HMCN1: variants seen among roughly 807,000 people sequenced by gnomAD.
HMCN1 encodes hemicentin-1.
HMCN1 carries 321 observed loss-of-function variants against 625.9 expected under a neutral mutation model. The ratio of observed to expected loss-of-function variants is 0.51; its 90% CI spans 0.47 to 0.56. The LOEUF (loss-of-function observed/expected upper bound fraction) is 0.56. Ranked by LOEUF, HMCN1 falls within the 20% of genes least tolerant of loss-of-function variation. The probability of loss-of-function intolerance (pLI) is 0.00; values close to 1 mark genes in which losing one functional copy is unlikely to be tolerated. For synonymous variants in HMCN1, 2,425 were observed against 2,417.6 expected (o/e 1.00, Z -0.09); for missense variants, 6,588 against 6,887.3 (o/e 0.96, Z 1.54).
intron 1 of HMCN1, among the ~76,000 whole-genome samples, chr1:185,808,276 A>C (rs1659300429): frequency 6.6e-6 from 1 of 152,100 alleles, no homozygotes; most frequent in Admixed American, 6.6e-5. Context: ...GAACCTCAGA[A>C]GCAGAGGTTG....
chr1:186,168,491 GTTA>G (rs1230891196), intron 100 of HMCN1, among the ~76,000 whole-genome samples: 2 of 30,152 alleles, frequency 6.6e-5, no homozygotes, highest in Non-Finnish European at 9.4e-5. Context: ...GTTTCTGTAA[GTTA>G]AGTTAACACA....
intron 24 of HMCN1, among the ~76,000 whole-genome samples, chr1:185,996,811 C>T (rs1237585655): frequency 6.6e-6 from 1 of 152,128 alleles, no homozygotes; most frequent in East Asian, 1.9e-4. Flanking sequence ...TGGAGCTGTT[C>T]AGAGACATGG....
At chr1:186,120,172 C>G in intron 80 of HMCN1, 27 bp downstream of exon 80, 1 of 1,609,058 alleles carries the variant, frequency 6.2e-7, no homozygotes, top group Non-Finnish European at 8.5e-7. Flanking sequence ...TCTCTGTTTT[C>G]AATTCAAAGA....
At chr1:186,112,665 T>C in intron 71 of HMCN1, 147 bp from the exon 72 acceptor site, 1 of 947,378 alleles carries the variant, frequency 1.1e-6, no homozygotes, top group East Asian at 2.6e-5. Flanking sequence ...GGATTTTTGA[T>C]ACTACGAAAA....
intron 4 of HMCN1, among the ~76,000 whole-genome samples, chr1:185,870,704 C>G (rs1369210663): frequency 6.6e-6 from 1 of 152,084 alleles, no homozygotes; most frequent in African/African-American, 2.4e-5. Context: ...GAGTTACAAA[C>G]AACCCAATTA....
At chr1:186,103,963 C>A (rs1430724759) in intron 69 of HMCN1, among the ~76,000 whole-genome samples, 1 of 152,078 alleles carries the variant, frequency 6.6e-6, no homozygotes. Context: ...ATACTATGTA[C>A]CCCTTAATGG....
At chr1:185,773,708 T>C (rs1656405280) in intron 1 of HMCN1, among the ~76,000 whole-genome samples, 1 of 152,168 alleles carries the variant, frequency 6.6e-6, no homozygotes, top group South Asian at 2.1e-4. Context: ...TAAAGCATCC[T>C]AACTGATACT....
chr1:185,942,557 T>C (rs1470569282), intron 11 of HMCN1, among the ~76,000 whole-genome samples: 1 of 152,220 alleles, frequency 6.6e-6, no homozygotes, highest in Non-Finnish European at 1.5e-5. Flanking sequence ...GGAGTTCATA[T>C]CATACTTAAC....
chr1:186,130,395 A>G, intron 84 of HMCN1, 112 bp from the exon 85 acceptor site: 1 of 1,098,236 alleles, frequency 9.1e-7, no homozygotes, highest in Non-Finnish European at 1.4e-6. Flanking sequence ...ATGAGTCTTT[A>G]AGGTGGCTTT....
intron 93 of HMCN1, 34 bp from the exon 94 acceptor site, chr1:186,151,166 C>A (rs1650639139): frequency 6.2e-7 from 1 of 1,611,322 alleles, no homozygotes; most frequent in East Asian, 2.2e-5. Context: ...GAAATTGCAT[C>A]CTTATCCAGG....
intron 6 of HMCN1, among the ~76,000 whole-genome samples, chr1:185,912,580 G>A (rs746378295): frequency 2.6e-5 from 4 of 151,910 alleles, no homozygotes; most frequent in Admixed American, 2.0e-4. Flanking sequence ...TATTTCTCAG[G>A]CTTTTCAGTG....
chr1:186,162,526 T>G (rs550686610), intron 97 of HMCN1, among the ~76,000 whole-genome samples: 147 of 152,314 alleles, frequency 9.7e-4, no homozygotes, highest in Non-Finnish European at 1.2e-3. Flanking sequence ...GCTCTGTTTT[T>G]TCCCCATCTT....
intron 1 of HMCN1, among the ~76,000 whole-genome samples, chr1:185,780,350 G>T (rs1332407456): frequency 1.3e-5 from 2 of 152,158 alleles, no homozygotes; most frequent in Non-Finnish European, 2.9e-5. Flanking sequence ...TCTTTCTCCT[G>T]CCTAATTGCC....
chr1:185,981,756 T>C (rs74134254), intron 17 of HMCN1, among the ~76,000 whole-genome samples: 4,677 of 152,230 alleles, frequency 0.031, 250 homozygotes, highest in African/African-American at 0.11. Context: ...TTCATTAATT[T>C]TTAGAGAAGG....
Position 186,039,412 on chromosome 1 carries a change from A to G in HMCN1, c.6029-316A>G, listed in dbSNP as rs548502538. On this transcript the variant is annotated intron_variant, in intron 38 of 106. Coordinates refer to ENST00000271588, the MANE Select transcript of HMCN1 (RefSeq NM_031935.3). Reference sequence around the variant, plus strand: ...GGGGTACACACTTGTGTTCATGTGCACACACACACACACACACACACGCCT... The same window carrying G: ...GGGGTACACACTTGTGTTCATGTGCGCACACACACACACACACACACGCCT... Among the ~76,000 whole-genome samples, 363 of 148,670 alleles carry G rather than the reference A, an allele frequency of 2.4e-3. 1 individual carries two copies. Among genetic ancestry groups the G allele is most frequent in the Admixed American group, 4.0e-3 (60 of 14,870 alleles).
At chr1:185,883,917 T>C (rs1664470168) in intron 4 of HMCN1, among the ~76,000 whole-genome samples, 1 of 145,250 alleles carries the variant, frequency 6.9e-6, no homozygotes, top group Admixed American at 6.9e-5. Flanking sequence ...CTTTTTAGTA[T>C]GTCTAGTGAT....
At chr1:186,162,221 G>C (rs1331239969) in intron 97 of HMCN1, among the ~76,000 whole-genome samples, 1 of 152,026 alleles carries the variant, frequency 6.6e-6, no homozygotes, top group Admixed American at 6.6e-5. Flanking sequence ...GGCTCCTGAG[G>C]CTTCTGCATT....
intron 1 of HMCN1, among the ~76,000 whole-genome samples, chr1:185,821,437 G>A (rs1382677453): frequency 1.3e-5 from 2 of 152,104 alleles, no homozygotes; most frequent in Admixed American, 6.6e-5. Context: ...TATAATAATA[G>A]ATGATGACTA....
At chr1:185,797,552 C>T (rs889792062) in intron 1 of HMCN1, among the ~76,000 whole-genome samples, 9 of 152,210 alleles carry the variant, frequency 5.9e-5, no homozygotes, top group Non-Finnish European at 1.2e-4. Context: ...AGCAGTTCTC[C>T]TACCTTGGCC....
Sources: gnomAD v4.1 joint callset for allele counts (sites outside exome capture counted in the v4.1 genomes callset) on GRCh38, gnomAD v4.1.1 for gene constraint, MANE v1.5 for transcripts, NCBI Gene and HGNC (gene_info 2026-07-23, HGNC 2026-07-21) for gene names.